MEGF8: variants seen among roughly 807,000 people sequenced by gnomAD.
MEGF8 encodes the protein multiple epidermal growth factor-like domains protein 8.
Under a neutral mutation model 302.9 loss-of-function variants are expected in MEGF8, and 156 were observed. That is an observed-to-expected ratio of 0.52 (90% CI 0.45 to 0.59). The LOEUF is 0.59. MEGF8 is among the 20% of genes least tolerant of loss of function. The pLI is 0.00. For missense variants in MEGF8, 3,345 were observed against 3,964.5 expected (o/e 0.84, Z 4.20); for synonymous variants, 1,621 against 1,660.5 (o/e 0.98, Z 0.58).
At position 42,371,459 on chromosome 19, in the gene MEGF8, C is replaced by T. The variant is rs747955335; in HGVS notation, c.7246C>T (p.Arg2416Cys). The T allele has an allele frequency of 6.2e-6, 10 of 1,613,734 alleles. No homozygotes were observed. The highest frequency in any genetic ancestry group is 2.7e-5 in the African/African-American group (2 of 74,930). ...ATGCCAGGGCAGCTCCCCCAGTGAC[C>T]GTCGAGACTGCTACAAGTACCAGGT... Reference protein sequence around the residue: ...GTCQGSSPSDRRDCYKYQCAK... With the variant: ...GTCQGSSPSDCRDCYKYQCAK... Residue 2416 changes from arginine to cysteine, a missense_variant, in exon 41 of 42, where the codon CGT becomes TGT. By Grantham distance (180) the Arg-to-Cys change is radical. Coordinates refer to ENST00000251268, the MANE Select transcript of MEGF8 (RefSeq NM_001271938.2).
At chr19:42,343,664 G>T in intron 9 of MEGF8, 33 bp downstream of exon 9, 2 of 1,565,838 alleles carry the variant, frequency 1.3e-6, no homozygotes, top group Non-Finnish European at 8.7e-7. Context: ...AAGGGTGGCT[G>T]GGGGGAGGAG....
rs2039776416 is a variant in MEGF8 at position 42,376,725 on chromosome 19, G to T, written c.8488G>T (p.Gly2830Cys). 1 of 1,484,576 alleles carries T rather than the reference G, an allele frequency of 6.7e-7. No homozygotes were observed. The allele number at this position is 1,484,576 out of a possible 1,614,324, so 92.0% of individuals were successfully genotyped here. A position where few individuals can be genotyped will look rare whatever the true frequency, so the allele number is the denominator to read the frequency against. ...AGGSGHGTGA[G>C]RKGLLSQDNL... ...GGGCAGTGGGCATGGGACTGGTGCG[G>T]GCCGGAAGGGACTGTTGAGCCAGGA... Residue 2830 changes from glycine to cysteine, a missense_variant, in exon 42 of 42, where the codon GGC becomes TGC. Transcript: ENST00000251268. This position sits in a 1 kb window ranked among gnomAD's most constrained non-coding sequence, Gnocchi z 8.2.
chr19:42,360,614 G>A (rs951780406), intron 31 of MEGF8, among the ~76,000 whole-genome samples, 161 bp from the exon 32 acceptor site: 3 of 152,132 alleles, frequency 2.0e-5, no homozygotes, highest in Admixed American at 6.5e-5. Flanking sequence ...CAAAGTGTTG[G>A]GATCACAGGT....
intron 8 of MEGF8, among the ~76,000 whole-genome samples, chr19:42,337,976 TTG>T (rs2039155614): frequency 6.6e-6 from 1 of 152,102 alleles, no homozygotes; most frequent in African/African-American, 2.4e-5. Context: ...GCTAATTTTT[TTG>T]TGTTTTTAGT....
rs1333253395 is a variant in MEGF8 at position 42,375,403 on chromosome 19, A to G, written c.7270-104A>G. ...GGCAGTGGGGGTGAGGCCCAGGGCA[A>G]TGGCTACTTAGCAGTGGGTATAGAG... On this transcript the variant is annotated intron_variant, in intron 41 of 41. Coordinates refer to ENST00000251268, the MANE Select transcript of MEGF8 (RefSeq NM_001271938.2). The surrounding 1 kb of genome is among the most constrained non-coding windows in gnomAD (Gnocchi z 7.1). The G allele has an allele frequency of 1.3e-5, 16 of 1,198,350 alleles. No homozygotes were observed. Among genetic ancestry groups the G allele is most frequent in the African/African-American group, 4.6e-5 (3 of 64,886 alleles). The allele number at this position is 1,198,350 out of a possible 1,614,324, so 74.2% of individuals were successfully genotyped here. A position where few individuals can be genotyped will look rare whatever the true frequency, so the allele number is the denominator to read the frequency against.
At chr19:42,329,764 G>A (rs1208151572) in intron 1 of MEGF8, among the ~76,000 whole-genome samples, 1 of 151,856 alleles carries the variant, frequency 6.6e-6, no homozygotes, top group African/African-American at 2.4e-5. Flanking sequence ...TCCAGCTACC[G>A]GCGAGGCTGA....
intron 41 of MEGF8, among the ~76,000 whole-genome samples, chr19:42,371,854 G>A (rs982639274): frequency 1.4e-4 from 21 of 152,204 alleles, no homozygotes; most frequent in Admixed American, 5.9e-4. Context: ...AGGCTGAGGC[G>A]GGAGGATCAC....
chr19:42,375,878 G>A lies in MEGF8; in HGVS notation c.7641G>A (p.Gly2547=). The A allele has an allele frequency of 6.2e-7, 1 of 1,605,352 alleles. No individual in the cohort carries two copies. The highest frequency in any genetic ancestry group is 8.5e-7 in the Non-Finnish European group (1 of 1,176,012). The part of the protein sequence containing the change: ...PPADGGPRGA[G]DPGGAGASSG... Reference sequence around the variant, plus strand: ...CAGATGGTGGGCCCCGGGGGGCTGGGGATCCAGGAGGAGCAGGGGCCAGCA... The same window carrying A: ...CAGATGGTGGGCCCCGGGGGGCTGGAGATCCAGGAGGAGCAGGGGCCAGCA... The change falls in exon 42 of 42, where the codon GGG becomes GGA. Residue 2547 remains glycine, a synonymous_variant. Transcript: ENST00000251268. This position sits in a 1 kb window ranked among gnomAD's most constrained non-coding sequence, Gnocchi z 7.1.
chr19:42,353,185 G>A lies in MEGF8; in HGVS notation c.3550+58G>A, dbSNP rs1016060299. 99 of 1,460,626 alleles carry A rather than the reference G, an allele frequency of 6.8e-5. No individual in the cohort carries two copies. The highest frequency in any genetic ancestry group is 4.7e-4 in the Admixed American group (18 of 38,208). 90.5% of individuals were successfully genotyped at this position (1,460,626 alleles called of 1,614,324 possible). A position where few individuals can be genotyped will look rare whatever the true frequency, so the allele number is the denominator to read the frequency against. On this transcript the variant is annotated intron_variant, in intron 20 of 41. Coordinates refer to ENST00000251268, the MANE Select transcript of MEGF8 (RefSeq NM_001271938.2). This position sits in a 1 kb window ranked among gnomAD's most constrained non-coding sequence, Gnocchi z 6.1. ...CCCAGGGAGCCTCCTCCCTTCTTGG[G>A]GCTCCAGTTTGCTCTTCTTGGAGGG... is the stretch of plus-strand genomic sequence containing the variant.
intron 8 of MEGF8, among the ~76,000 whole-genome samples, chr19:42,342,797 C>T (rs1337444037): frequency 1.3e-5 from 2 of 150,968 alleles, no homozygotes; most frequent in Non-Finnish European, 3.0e-5. Context: ...TAGATGGTCA[C>T]AGGCAGCTCG....
rs199602229 is a variant in MEGF8 at position 42,357,379 on chromosome 19, G to C, written c.4831-25G>C. ...TGACCCCTGACCTCTAGCCCCATCGGTGACCTTGCCCCTCCATCCCTCAGG... is the reference window on the plus strand; with the variant it reads ...TGACCCCTGACCTCTAGCCCCATCGCTGACCTTGCCCCTCCATCCCTCAGG... On this transcript the variant is annotated intron_variant, in intron 27 of 41. Transcript: ENST00000251268. This position sits in a 1 kb window ranked among gnomAD's most constrained non-coding sequence, Gnocchi z 5.2. 1 of 1,608,914 alleles carries C rather than the reference G, an allele frequency of 6.2e-7. No individual in the cohort carries two copies. Among genetic ancestry groups the C allele is most frequent in the Non-Finnish European group, 8.5e-7 (1 of 1,176,814 alleles).
Position 42,357,562 on chromosome 19 carries a change from C to A in MEGF8, c.4989C>A (p.Ala1663=), listed in dbSNP as rs760887363. 4 of 1,609,960 alleles carry A rather than the reference C, an allele frequency of 2.5e-6. No homozygotes were observed. Among genetic ancestry groups the A allele is most frequent in the Non-Finnish European group, 3.4e-6 (4 of 1,178,356 alleles). ...CAACCGGCACCTGGGTGTCAGGAGCCCAGAGTGGGACACCCCCCACAGGTG... is the reference window on the plus strand; with the variant it reads ...CAACCGGCACCTGGGTGTCAGGAGCACAGAGTGGGACACCCCCCACAGGTG... ...QLATGTWVSG[A]QSGTPPTGLY... Residue 1663 remains alanine, a synonymous_variant, in exon 28 of 42, where the codon GCC becomes GCA. Transcript: ENST00000251268. This position sits in a 1 kb window ranked among gnomAD's most constrained non-coding sequence, Gnocchi z 5.2.
At position 42,370,719 on chromosome 19, in the gene MEGF8, G is replaced by C. The variant is rs1298106714; in HGVS notation, c.7024G>C (p.Glu2342Gln). The C allele has an allele frequency of 1.3e-6, 2 of 1,593,098 alleles. No homozygotes were observed. The highest frequency in any genetic ancestry group is 3.5e-5 in the Admixed American group (2 of 56,614). ...DPEEIENWVT[E>Q]GPSEDEAVCV... ...TGGCCAGATTGAAAACTGGGTGACA[G>C]AGGGTCCTAGTGAAGACGAGGCCGT... Residue 2342 changes from glutamate to glutamine, a missense_variant, in exon 40 of 42, where the codon GAG becomes CAG. By Grantham distance (29) the Glu-to-Gln change is conservative (BLOSUM62 2). Coordinates refer to ENST00000251268, the MANE Select transcript of MEGF8 (RefSeq NM_001271938.2).
At chr19:42,364,602 C>T (rs1341579323) in intron 35 of MEGF8, among the ~76,000 whole-genome samples, 3 of 152,244 alleles carry the variant, frequency 2.0e-5, no homozygotes, top group Non-Finnish European at 4.4e-5. Flanking sequence ...AAGAATCCCA[C>T]AGACCTTGGC....
rs554088449 is a variant in MEGF8, at chr19:42,360,893, A to C, written c.5607A>C (p.Ala1869=). The C allele has an allele frequency of 6.2e-7, 1 of 1,613,420 alleles. No homozygotes were observed. Among genetic ancestry groups the C allele is most frequent in the Admixed American group, 1.7e-5 (1 of 60,004 alleles). The change falls in exon 32 of 42, where the codon GCA becomes GCC. Residue 1869 remains alanine (A), a synonymous_variant. Coordinates refer to ENST00000251268, the MANE Select transcript of MEGF8 (RefSeq NM_001271938.2). ...FGGVALGRLL[A]LTLPPDPCRL... Reference sequence around the variant, plus strand: ...GAGTGGCCCTGGGCCGCCTGCTGGCACTGACCCTGCCCCCTGACCCCTGCC... The same window carrying C: ...GAGTGGCCCTGGGCCGCCTGCTGGCCCTGACCCTGCCCCCTGACCCCTGCC...
In MEGF8 at chr19:42,363,060, G is replaced by A. The variant is rs1167959292; in HGVS notation, c.6071G>A (p.Arg2024His). The change falls in exon 35 of 42, where the codon CGC becomes CAC. Residue 2024 changes from arginine (R) to histidine (H), a missense_variant. Physicochemically the swap from Arg to His is conservative, Grantham distance 29. Transcript: ENST00000251268. The part of the protein sequence containing the change: ...RQFKRTGETR[R>H]ILSVQPTYDW... ...GCCCCACCCCCAGGGGAGACCCGCC[G>A]CATCCTCTCCGTGCAGCCCACCTAT... is the stretch of plus-strand genomic sequence containing the variant. 2 of 1,612,570 alleles carry A rather than the reference G, an allele frequency of 1.2e-6. No homozygotes were observed. The highest frequency in any genetic ancestry group is 1.7e-6 in the Non-Finnish European group (2 of 1,179,372).
chr19:42,375,734 C>T lies in MEGF8; in HGVS notation c.7497C>T (p.Ala2499=), dbSNP rs1367681269. 24 of 1,612,160 alleles carry T rather than the reference C, an allele frequency of 1.5e-5. No homozygotes were observed. The highest frequency in any genetic ancestry group is 1.6e-4 in the Middle Eastern group (1 of 6,084). ...TGACGCTGGACGTGACCTTCGGGGC[C>T]GTGGACCTCTATGTCTCCACCTCCT... ...IRLTLDVTFG[A]VDLYVSTSYD... The change falls in exon 42 of 42, where the codon GCC becomes GCT. Residue 2499 remains alanine (A), a synonymous_variant. Coordinates refer to ENST00000251268, the MANE Select transcript of MEGF8 (RefSeq NM_001271938.2). This position sits in a 1 kb window ranked among gnomAD's most constrained non-coding sequence, Gnocchi z 7.1.
At position 42,369,776 on chromosome 19, in the gene MEGF8, G is replaced by A. The variant is rs2039659880; in HGVS notation, c.6834+53G>A. ...GACCCTGGGACCCAGGCCCTCACTT[G>A]CCTTCATCCCACGCTCAGGCGGCTC... On this transcript the variant is annotated intron_variant, in intron 38 of 41. Coordinates refer to ENST00000251268, the MANE Select transcript of MEGF8 (RefSeq NM_001271938.2). The surrounding 1 kb of genome is among the most constrained non-coding windows in gnomAD (Gnocchi z 5.7). The A allele has an allele frequency of 6.5e-7, 1 of 1,529,344 alleles. No homozygotes were observed. Among genetic ancestry groups the A allele is most frequent in the South Asian group, 1.2e-5 (1 of 83,574 alleles). The allele number at this position is 1,529,344 out of a possible 1,614,324, so 94.7% of individuals were successfully genotyped here.
In MEGF8 at chr19:42,368,984, C is replaced by T. The variant is rs374178667; in HGVS notation, c.6623C>T (p.Thr2208Ile). ...QPHGYECSCKTGYTMDNMTGL... is the reference protein window; with the variant it reads ...QPHGYECSCKIGYTMDNMTGL... ...CACGGCTATGAGTGCAGCTGCAAGA[C>T]CGGCTATACCATGGACAAGTGAGGC... The change falls in exon 37 of 42, where the codon ACC (threonine) becomes ATC (isoleucine). Residue 2208 changes from threonine (T) to isoleucine (I), a missense_variant. By Grantham distance (89) the Thr-to-Ile change is moderately conservative. Transcript: ENST00000251268. This position sits in a 1 kb window ranked among gnomAD's most constrained non-coding sequence, Gnocchi z 4.9. 36 of 1,613,544 alleles carry T rather than the reference C, an allele frequency of 2.2e-5. No homozygotes were observed. The African/African-American group carries it at 4.0e-4, about 18-fold the overall frequency.
Sources: allele counts gnomAD v4.1 joint callset (sites outside exome capture counted in the v4.1 genomes callset), GRCh38; gene constraint gnomAD v4.1.1; non-coding constraint Gnocchi (gnomAD v3.1); transcripts MANE v1.5; gene names NCBI Gene and HGNC (gene_info 2026-07-23, HGNC 2026-07-21).